Variants in RTL4 observed in about 807,000 individuals in gnomAD.
RTL4 encodes retrotransposon Gag-like protein 4.
A neutral mutation model predicts 5.3 loss-of-function variants in RTL4; 4 were observed. The ratio of observed to expected loss-of-function variants is 0.75; its 90% CI spans 0.37 to 1.72. The LOEUF is 1.72. Ranked by LOEUF, RTL4 falls within the 40% of genes most tolerant of loss-of-function variation. The pLI, the probability that RTL4 is intolerant of heterozygous loss-of-function variation, is 0.04. For missense variants in RTL4, 260 were observed against 227.1 expected (o/e 1.14, Z -0.93); for synonymous variants, 98 against 87.3 (o/e 1.12, Z -0.68).
the RTL4 span, among the ~76,000 whole-genome samples, chrX:112,256,480 T>C: frequency 1.8e-5 from 2 of 112,338 alleles, no homozygotes; most frequent in African/African-American, 6.4e-5. Context: ...CTGTTTGTTT[T>C]TCAGCACCTA....
At chrX:112,409,875 T>C in the RTL4 span, among the ~76,000 whole-genome samples, 2 of 110,632 alleles carry the variant, frequency 1.8e-5, no homozygotes, top group African/African-American at 6.6e-5. Context: ...TTCTTACTTA[T>C]CAATAATTAC....
chrX:112,360,812 A>G, the RTL4 span, among the ~76,000 whole-genome samples: 1 of 110,980 alleles, frequency 9.0e-6, no homozygotes, highest in Non-Finnish European at 1.9e-5. Context: ...GAGAAGCAGC[A>G]TTTCATTAAA....
chrX:112,381,869 C>G, the RTL4 span: 1 of 1,206,937 alleles, frequency 8.3e-7, no homozygotes. Context: ...ACTGAGCGAG[C>G]CAGACAAGAG....
chrX:112,191,753 ACATGTTATACT>A, the RTL4 span, among the ~76,000 whole-genome samples: 1 of 111,701 alleles, frequency 9.0e-6, no homozygotes, highest in African/African-American at 3.3e-5. Flanking sequence ...CCTAATTCAT[ACATGTTATACT>A]CAGTGAACTC....
the RTL4 span, among the ~76,000 whole-genome samples, chrX:112,431,533 T>C: frequency 9.0e-6 from 1 of 110,852 alleles, no homozygotes; most frequent in Non-Finnish European, 1.9e-5. Context: ...CAGCACTGGT[T>C]CCTATGGAAA....
chrX:112,401,570 C>A, the RTL4 span, among the ~76,000 whole-genome samples: 2 of 111,561 alleles, frequency 1.8e-5, no homozygotes, highest in African/African-American at 6.5e-5. Context: ...ACATTCTTGG[C>A]TTCAATGTAA....
the RTL4 span, among the ~76,000 whole-genome samples, chrX:112,363,615 C>T: frequency 7.2e-5 from 8 of 111,311 alleles, no homozygotes; most frequent in Non-Finnish European, 1.1e-4. Context: ...AGTTGAATCA[C>T]AGCTTTTCTA....
chrX:112,184,103 C>CA, the RTL4 span, among the ~76,000 whole-genome samples: 7 of 104,497 alleles, frequency 6.7e-5, no homozygotes, highest in East Asian at 2.2e-3. Context: ...ATTGCAAGGA[C>CA]AAAAAACCAA....
the RTL4 span, among the ~76,000 whole-genome samples, chrX:112,441,274 C>T: frequency 9.0e-6 from 1 of 111,133 alleles, no homozygotes; most frequent in Admixed American, 9.6e-5. Context: ...TGCTACCTTG[C>T]AGCTTCCATA....
the RTL4 span, among the ~76,000 whole-genome samples, chrX:112,329,734 G>A: frequency 1.8e-5 from 2 of 110,934 alleles, no homozygotes; most frequent in Non-Finnish European, 3.8e-5. Context: ...CAATATCCTT[G>A]ATGAACATTG....
chrX:112,148,805 T>C, the RTL4 span, among the ~76,000 whole-genome samples: 4 of 112,095 alleles, frequency 3.6e-5, no homozygotes, highest in African/African-American at 1.3e-4. Flanking sequence ...CGTGGTTGTA[T>C]AAAGGGCCTG....
At chrX:112,248,425 G>T in the RTL4 span, among the ~76,000 whole-genome samples, 1 of 112,091 alleles carries the variant, frequency 8.9e-6, no homozygotes. Context: ...GTAATTTGCT[G>T]CTTTAAACCA....
At chrX:112,120,974 T>C in the RTL4 span, among the ~76,000 whole-genome samples, 1 of 110,946 alleles carries the variant, frequency 9.0e-6, no homozygotes, top group Non-Finnish European at 1.9e-5. Context: ...TTATATAAAC[T>C]GGGGCCTACC....
chrX:112,201,478 G>A, the RTL4 span, among the ~76,000 whole-genome samples: 1 of 111,114 alleles, frequency 9.0e-6, no homozygotes, highest in African/African-American at 3.3e-5. Flanking sequence ...ATATCTCAAA[G>A]TCATCTTTAA....
the RTL4 span, among the ~76,000 whole-genome samples, chrX:112,398,369 T>C: frequency 9.2e-6 from 1 of 108,898 alleles, no homozygotes; most frequent in African/African-American, 3.3e-5. Context: ...CCCTTTTGTA[T>C]ATTGTTGGAT....
chrX:112,172,390 A>T, the RTL4 span, among the ~76,000 whole-genome samples: 1 of 111,853 alleles, frequency 8.9e-6, no homozygotes, highest in Non-Finnish European at 1.9e-5. Flanking sequence ...GCCAGCAAAC[A>T]TATGAAAAAA....
the RTL4 span, among the ~76,000 whole-genome samples, chrX:112,242,228 T>C: frequency 8.9e-6 from 1 of 112,113 alleles, no homozygotes; most frequent in East Asian, 2.8e-4. Flanking sequence ...TCCAATTCTG[T>C]GAAGAAGGTC....
the RTL4 span, among the ~76,000 whole-genome samples, chrX:112,382,959 A>G: frequency 8.9e-6 from 1 of 111,996 alleles, no homozygotes; most frequent in African/African-American, 3.2e-5. Flanking sequence ...GCCTCCGCTC[A>G]TTTCAGGAAA....
the RTL4 span, among the ~76,000 whole-genome samples, chrX:112,341,950 G>C: frequency 9.0e-6 from 1 of 111,499 alleles, no homozygotes; most frequent in Non-Finnish European, 1.9e-5. Flanking sequence ...AGTACACGGT[G>C]CCAGTGACTA....
Sources: gnomAD v4.1 joint callset for allele counts (sites outside exome capture counted in the v4.1 genomes callset) on GRCh38, gnomAD v4.1.1 for gene constraint, MANE v1.5 for transcripts, NCBI Gene and HGNC (gene_info 2026-07-23, HGNC 2026-07-21) for gene names.